Variants in LILRB5 observed in about 807,000 individuals in gnomAD.
LILRB5 encodes the protein leukocyte immunoglobulin-like receptor subfamily B member 5.
In LILRB5, 61 loss-of-function variants were observed where a neutral mutation model predicts 68.4. The ratio of observed to expected loss-of-function variants is 0.89; its 90% CI spans 0.73 to 1.10. The LOEUF (loss-of-function observed/expected upper bound fraction) is 1.10. LILRB5 is among the 50% of genes least tolerant of loss of function. The probability of loss-of-function intolerance (pLI) is 0.00; values close to 1 mark genes in which losing one functional copy is unlikely to be tolerated. For synonymous variants in LILRB5, 356 were observed against 315.8 expected (o/e 1.13, Z -1.35); for missense variants, 771 against 751.6 (o/e 1.03, Z -0.30).
chr19:54,254,736 T>G lies in LILRB5; in HGVS notation c.1254A>C (p.Ser418=). 1 of 1,613,920 alleles carries G rather than the reference T, an allele frequency of 6.2e-7. No individual in the cohort carries two copies. The highest frequency in any genetic ancestry group is 8.5e-7 in the Non-Finnish European group (1 of 1,179,906). The change falls in exon 6 of 13, where the codon TCA becomes TCC. Residue 418 remains serine (S), a splice_region_variant and synonymous_variant. Coordinates refer to ENST00000449561, the MANE Select transcript of LILRB5 (RefSeq NM_001081442.3). The part of the protein sequence containing the change: ...SPSYPQELVV[S]GPSGDPSLSP... ...ACAGGACAGGGTCAGGGCCCTCACCTGAGACCACGAGCTCCTGGGGGTAAC... is the reference window on the plus strand; with the variant it reads ...ACAGGACAGGGTCAGGGCCCTCACCGGAGACCACGAGCTCCTGGGGGTAAC...
chr19:54,252,629 G>T (rs1181812766), intron 9 of LILRB5, 80 bp from the exon 10 acceptor site: 1 of 1,526,498 alleles, frequency 6.6e-7, no homozygotes, highest in Non-Finnish European at 9.0e-7. Context: ...GCGGAAAGAA[G>T]GAAACCTGGA....
chr19:54,250,356 C>G lies in LILRB5; in HGVS notation c.*430G>C, dbSNP rs988294936. On this transcript the variant is annotated 3_prime_UTR_variant, in exon 13 of 13. Transcript: ENST00000449561. Reference sequence around the variant, plus strand: ...CTCCTCTTGTTATTTTTGTCCCCTTCCTCACACCTTCATTTGGAATAATTT... The same window carrying G: ...CTCCTCTTGTTATTTTTGTCCCCTTGCTCACACCTTCATTTGGAATAATTT... The G allele has an allele frequency of 5.9e-5, 10 of 170,328 alleles. No homozygotes were observed. Among genetic ancestry groups the G allele is most frequent in the Admixed American group, 3.4e-4 (6 of 17,822 alleles). 10.6% of individuals were successfully genotyped at this position (170,328 alleles called of 1,614,324 possible). A position where few individuals can be genotyped will look rare whatever the true frequency, so the allele number is the denominator to read the frequency against.
intron 2 of LILRB5, 52 bp downstream of exon 2, chr19:54,256,909 C>G: frequency 6.2e-7 from 1 of 1,613,754 alleles, no homozygotes. Context: ...CGGGGTTGGG[C>G]CCTTGTCCCC....
At chr19:54,253,968 C>A in intron 8 of LILRB5, 50 bp downstream of exon 8, 2 of 1,560,374 alleles carry the variant, frequency 1.3e-6, no homozygotes, top group Non-Finnish European at 1.7e-6. Flanking sequence ...AGAACCCACC[C>A]CTGCCTCCCC....
intron 7 of LILRB5, 126 bp from the exon 8 acceptor site, chr19:54,254,194 G>A (rs1195571909): frequency 6.7e-6 from 10 of 1,495,762 alleles, no homozygotes; most frequent in East Asian, 2.5e-5. Context: ...CCCCCTCACC[G>A]GCCCAGCCTC....
chr19:54,253,979 T>G, intron 8 of LILRB5, 39 bp downstream of exon 8: 1 of 1,566,452 alleles, frequency 6.4e-7, no homozygotes. Context: ...CTGCCTCCCC[T>G]GGTCTCCGCC....
Position 54,256,085 on chromosome 19 carries a change from C to G in LILRB5, c.613G>C (p.Val205Leu). 6.3e-7 allele frequency: 1 copy of G among 1,583,062 alleles called. No individual in the cohort carries two copies. The highest frequency in any genetic ancestry group is 8.6e-7 in the Non-Finnish European group (1 of 1,165,918). Residue 205 changes from valine (V) to leucine (L), a missense_variant, in exon 4 of 13, where the codon GTG becomes CTG. Transcript: ENST00000449561. ...AGGAGGTCACTGGGGTTCGACCACA[C>G]CTGAGGGTTTTTCCTGTAATAGTAA... ...CYYYYRKNPQ[V>L]WSNPSDLLEI... is the part of the protein sequence containing the mutation.
At chr19:54,254,690 G>A (rs1279161397) in intron 6 of LILRB5, 45 bp downstream of exon 6, 8 of 1,608,732 alleles carry the variant, frequency 5.0e-6, no homozygotes, top group Non-Finnish European at 6.8e-6. Context: ...GGCAGGGCCT[G>A]AGCTGAGCCT....
In LILRB5 at chr19:54,251,739, T is replaced by A. The variant is rs541118064; in HGVS notation, c.1629+315A>T. The A allele has an allele frequency of 2.8e-4, 187 of 657,626 alleles. 3 individuals carry two copies. The highest frequency in any genetic ancestry group is 2.3e-3 in the South Asian group (152 of 65,124). The allele number at this position is 657,626 out of a possible 1,614,324, so 40.7% of individuals were successfully genotyped here. Reference sequence around the variant, plus strand: ...TGAGCTCCCTGGGAACACTCGCTGGTTGAATGAATGAAGGGGAGCCTGGGG... The same window carrying A: ...TGAGCTCCCTGGGAACACTCGCTGGATGAATGAATGAAGGGGAGCCTGGGG... On this transcript the variant is annotated intron_variant, in intron 12 of 12. Transcript: ENST00000449561.
chr19:54,252,491 C>T lies in LILRB5; in HGVS notation c.1533G>A (p.Gln511=), dbSNP rs1268223357. The T allele has an allele frequency of 6.2e-7, 1 of 1,614,168 alleles. No homozygotes were observed. The highest frequency in any genetic ancestry group is 1.7e-5 in the Admixed American group (1 of 60,024). ...GGGTCTTCATGCAGAATTACCTCTT[C>T]TGCAGGCCCTGGTCCTTGGGCTCTG... ...AGPEPKDQGL[Q]KRASPVADIQ... The change falls in exon 10 of 13, where the codon CAG becomes CAA. Residue 511 remains glutamine (Q), a synonymous_variant. Transcript: ENST00000449561.
chr19:54,252,281 C>A, intron 11 of LILRB5, 85 bp downstream of exon 11: 1 of 1,519,322 alleles, frequency 6.6e-7, no homozygotes, highest in African/African-American at 1.4e-5. Context: ...CAGACCCCCC[C>A]CAGCCTGTGC....
In LILRB5 at chr19:54,254,038, G is replaced by A. The variant is rs531344109; in HGVS notation, c.1337C>T (p.Thr446Met). 1.0e-5 allele frequency: 16 copies of A among 1,597,528 alleles called. No homozygotes were observed. The highest frequency in any genetic ancestry group is 9.3e-5 in the African/African-American group (7 of 74,874). Residue 446 changes from threonine to methionine, a missense_variant, in exon 8 of 13, where the codon ACG becomes ATG. Thr to Met is a moderately conservative substitution (Grantham distance 81). Transcript: ENST00000449561. ...AGPEDQPLTP[T>M]GLDPQSGLGR... Reference sequence around the variant, plus strand: ...CTCACCACTCTGGGGATCCAACCCCGTGGGGGTGAGGGGCTGGTCCTCAGG... The same window carrying A: ...CTCACCACTCTGGGGATCCAACCCCATGGGGGTGAGGGGCTGGTCCTCAGG...
chr19:54,256,257 C>T lies in LILRB5; in HGVS notation c.441G>A (p.Leu147=), dbSNP rs770689887. 49 of 1,613,802 alleles carry T rather than the reference C, an allele frequency of 3.0e-5. No individual in the cohort carries two copies. In the South Asian group the frequency reaches 4.6e-4, roughly 15 times the overall value. The change falls in exon 4 of 13, where the codon CTG becomes CTA. Residue 147 remains leucine, a synonymous_variant. Coordinates refer to ENST00000449561, the MANE Select transcript of LILRB5 (RefSeq NM_001081442.3). ...GGNVTLQCDT[L]DGLLTFVLVE... is the part of the protein sequence containing the mutation. ...CAAGAACAAACGTGAGAAGTCCGTC[C>T]AGTGTATCACACTGGAGGGTCACAT... is the stretch of plus-strand genomic sequence containing the variant.
intron 7 of LILRB5, 68 bp downstream of exon 7, chr19:54,254,297 C>G: frequency 6.6e-7 from 1 of 1,519,190 alleles, no homozygotes; most frequent in Non-Finnish European, 8.9e-7. Flanking sequence ...ATAGGATCCT[C>G]GGGGAGACTC....
rs1197013357 is a variant in LILRB5, at chr19:54,252,111, T to C, written c.1577-5A>G. 6.2e-7 allele frequency: 1 copy of C among 1,614,066 alleles called. No homozygotes were observed. Among genetic ancestry groups the C allele is most frequent in the Non-Finnish European group, 8.5e-7 (1 of 1,179,954 alleles). ...GTGTGTCCTTCACGGCAGCATCTGCTGGGCCAGAGCAAGGGGTTCATCTCC... is the reference window on the plus strand; with the variant it reads ...GTGTGTCCTTCACGGCAGCATCTGCCGGGCCAGAGCAAGGGGTTCATCTCC... On this transcript the variant is annotated splice_region_variant and splice_polypyrimidine_tract_variant and intron_variant, in intron 11 of 12. Transcript: ENST00000449561.
intron 8 of LILRB5, 119 bp from the exon 9 acceptor site, chr19:54,253,106 T>C (rs1214397535): frequency 2.2e-6 from 1 of 449,296 alleles, no homozygotes; most frequent in African/African-American, 2.1e-5. Context: ...TTGTGCAACA[T>C]GGGATTGCCA....
At position 54,255,366 on chromosome 19, in the gene LILRB5, C is replaced by T. The variant is rs368465622; in HGVS notation, c.872G>A (p.Gly291Asp). ...TLGPVSRSHG[G>D]QYRCYGAHNL... ...GTGTGCACCGTAGCATCTGTACTGG[C>T]CCCCGTGGGAGCGGCTCACAGGGCC... is the stretch of plus-strand genomic sequence containing the variant. The change falls in exon 5 of 13, where the codon GGC becomes GAC. Residue 291 changes from glycine (G) to aspartate (D), a missense_variant. Physicochemically the swap from Gly to Asp is moderately conservative, Grantham distance 94. Transcript: ENST00000449561. The T allele has an allele frequency of 4.5e-5, 73 of 1,613,974 alleles. 1 individual carries two copies. In the Middle Eastern group the frequency reaches 2.5e-3, roughly 55 times the overall value.
rs1290756916 is a variant in LILRB5, at chr19:54,256,288, C to T, written c.410G>A (p.Gly137Glu). Residue 137 changes from glycine to glutamate, a missense_variant, in exon 4 of 13, where the codon GGA becomes GAA. Gly to Glu is a moderately conservative substitution (Grantham distance 98). Transcript: ENST00000449561. ...ATCACACTGGAGGGTCACATTTCCT[C>T]CTGAGGCCACCACAGGACTCGGCAG... The part of the protein sequence containing the change: ...LALPSPVVAS[G>E]GNVTLQCDTL... 1 of 1,613,344 alleles carries T rather than the reference C, an allele frequency of 6.2e-7. No individual in the cohort carries two copies. The highest frequency in any genetic ancestry group is 8.5e-7 in the Non-Finnish European group (1 of 1,179,886).
chr19:54,250,673 G>T lies in LILRB5; in HGVS notation c.*113C>A. The T allele has an allele frequency of 1.5e-6, 2 of 1,368,500 alleles. No homozygotes were observed. The highest frequency in any genetic ancestry group is 2.0e-6 in the Non-Finnish European group (2 of 991,760). The allele number at this position is 1,368,500 out of a possible 1,614,324, so 84.8% of individuals were successfully genotyped here. On this transcript the variant is annotated 3_prime_UTR_variant, in exon 13 of 13. Coordinates refer to ENST00000449561, the MANE Select transcript of LILRB5 (RefSeq NM_001081442.3). ...TTCCCAGGATGTCCTGGTGGTCTTT[G>T]TTAGGGGTCCAGGCTGGCTGGGGTT... is the stretch of plus-strand genomic sequence containing the variant.
Sources: gnomAD v4.1 joint callset for allele counts on GRCh38, gnomAD v4.1.1 for gene constraint, MANE v1.5 for transcripts, NCBI Gene and HGNC (gene_info 2026-07-23, HGNC 2026-07-21) for gene names.